STAB2: variants seen among roughly 807,000 people sequenced by gnomAD.
The protein encoded by STAB2 is stabilin-2.
STAB2 carries 288 observed loss-of-function variants against 338.1 expected under a neutral mutation model. That is an observed-to-expected ratio of 0.85 (90% CI 0.77 to 0.94). The LOEUF is 0.94. Ranked by LOEUF, STAB2 falls within the 40% of genes least tolerant of loss-of-function variation. The pLI, the probability that STAB2 is intolerant of heterozygous loss-of-function variation, is 0.00. For missense variants in STAB2, 3,141 were observed against 3,210.1 expected (o/e 0.98, Z 0.52); for synonymous variants, 1,202 against 1,193.3 (o/e 1.01, Z -0.15).
chr12:103,705,851 C>T, intron 37 of STAB2, 124 bp downstream of exon 37: 1 of 856,884 alleles, frequency 1.2e-6, no homozygotes, highest in Non-Finnish European at 1.9e-6. Flanking sequence ...TTGTTACCTG[C>T]ATTATCATTG....
chr12:103,660,571 TC>T, intron 16 of STAB2, 111 bp from the exon 17 acceptor site: 1 of 1,345,590 alleles, frequency 7.4e-7, no homozygotes, highest in Non-Finnish European at 1.1e-6. Context: ...AGATCAAAAC[TC>T]CCTTTACTTA....
chr12:103,762,387 C>T lies in STAB2; in HGVS notation c.7473C>T (p.Gly2491=), dbSNP rs1884602223. 1 of 1,614,118 alleles carries T rather than the reference C, an allele frequency of 6.2e-7. No homozygotes were observed. Among genetic ancestry groups the T allele is most frequent in the Non-Finnish European group, 8.5e-7 (1 of 1,180,054 alleles). The part of the protein sequence containing the change: ...SYFRINRRTI[G]FQHFESEEDI... ...TTCGGATAAACCGGAGAACAATCGGCTTCCAGCATTTTGAGGTAAGAGAGA... is the reference window on the plus strand; with the variant it reads ...TTCGGATAAACCGGAGAACAATCGGTTTCCAGCATTTTGAGGTAAGAGAGA... The change falls in exon 67 of 69, where the codon GGC becomes GGT. Residue 2491 remains glycine, a synonymous_variant. Coordinates refer to ENST00000388887, the MANE Select transcript of STAB2 (RefSeq NM_017564.10).
Position 103,654,647 on chromosome 12 carries a change from C to A in STAB2, c.1500C>A (p.Ile500=), listed in dbSNP as rs138837176. ...TTGCTTCCAATGGGCTTCTGCACAT[C>A]CTTGACAGAGCCATGGACAAGTTAG... The part of the protein sequence containing the change: ...DIIASNGLLH[I]LDRAMDKLEP... Residue 500 remains isoleucine (I), a synonymous_variant, in exon 13 of 69, where the codon ATC becomes ATA. Transcript: ENST00000388887. 6.2e-7 allele frequency: 1 copy of A among 1,614,160 alleles called. No homozygotes were observed. The highest frequency in any genetic ancestry group is 1.1e-5 in the South Asian group (1 of 91,070).
intron 31 of STAB2, among the ~76,000 whole-genome samples, chr12:103,694,288 CAT>C (rs1217022795): frequency 6.6e-6 from 1 of 152,156 alleles, no homozygotes; most frequent in Admixed American, 6.5e-5. Context: ...TGTTATGTGA[CAT>C]AGACATAGAA....
intron 42 of STAB2, among the ~76,000 whole-genome samples, chr12:103,714,818 C>T (rs185698408): frequency 3.0e-4 from 45 of 152,100 alleles, no homozygotes; most frequent in African/African-American, 9.9e-4. Context: ...TGTATATTTC[C>T]TAAGAATAAG....
chr12:103,757,394 G>C (rs1474651172), intron 63 of STAB2, among the ~76,000 whole-genome samples: 3 of 152,216 alleles, frequency 2.0e-5, no homozygotes, highest in Admixed American at 6.5e-5. Flanking sequence ...AGCCTGATCA[G>C]TGAATATTTA....
intron 18 of STAB2, among the ~76,000 whole-genome samples, chr12:103,665,129 T>C (rs572513169): frequency 6.6e-6 from 1 of 152,350 alleles, no homozygotes; most frequent in South Asian, 2.1e-4. Flanking sequence ...TCTCTAGGTT[T>C]AAAGTCAAAT....
chr12:103,702,294 A>AT (rs34124272), intron 34 of STAB2, among the ~76,000 whole-genome samples: 59,731 of 143,510 alleles, frequency 0.42, 12,677 homozygotes, highest in Non-Finnish European at 0.46. Context: ...ATTATCAGTT[A>AT]TTTTTTTTTT....
intron 51 of STAB2, among the ~76,000 whole-genome samples, chr12:103,735,103 G>A (rs190463436): frequency 6.6e-6 from 1 of 152,234 alleles, no homozygotes; most frequent in East Asian, 1.9e-4. Context: ...GGAACTGGGG[G>A]TCAGGACTTC....
At chr12:103,662,744 G>T in intron 17 of STAB2, 102 bp from the exon 18 acceptor site, 1 of 1,397,146 alleles carries the variant, frequency 7.2e-7, no homozygotes, top group Non-Finnish European at 9.7e-7. Flanking sequence ...TGATGTTGAG[G>T]ACTTTTTAGC....
intron 44 of STAB2, among the ~76,000 whole-genome samples, chr12:103,724,625 A>G (rs185299761): frequency 4.3e-4 from 65 of 152,270 alleles, no homozygotes; most frequent in African/African-American, 1.4e-3. Flanking sequence ...ACCTTTTCCT[A>G]TGATCAGAGT....
chr12:103,591,434 G>T (rs139881207), intron 2 of STAB2, among the ~76,000 whole-genome samples: 2 of 152,158 alleles, frequency 1.3e-5, no homozygotes, highest in African/African-American at 2.4e-5. Context: ...GCAGTGAGCC[G>T]AGATCAAGCC....
rs113513677 is a variant in STAB2, at chr12:103,674,393, G to A, written c.2552+306G>A. On this transcript the variant is annotated intron_variant, in intron 23 of 68. Coordinates refer to ENST00000388887, the MANE Select transcript of STAB2 (RefSeq NM_017564.10). The stretch of plus-strand genomic sequence containing the variant: ...ATGATGATACCTACCAAGCAGGGCA[G>A]TTGTGGAGATTAGCAGAACTCAATG... 6.8e-3 allele frequency among the ~76,000 whole-genome samples: 1,032 copies of A among 152,298 alleles called. 8 individuals carry two copies. Among genetic ancestry groups the A allele is most frequent in the African/African-American group, 0.023 (974 of 41,568 alleles).
intron 64 of STAB2, 101 bp from the exon 65 acceptor site, chr12:103,759,032 C>T (rs1431909206): frequency 2.5e-6 from 4 of 1,592,326 alleles, no homozygotes; most frequent in Non-Finnish European, 3.4e-6. Context: ...GCAGGAAAGC[C>T]TAGGCCATGA....
chr12:103,591,116 T>C, intron 2 of STAB2, 86 bp downstream of exon 2: 1 of 1,576,034 alleles, frequency 6.3e-7, no homozygotes, highest in Non-Finnish European at 8.6e-7. Flanking sequence ...TTCCATGACT[T>C]TTCTCTTGCT....
chr12:103,605,843 T>C (rs986717744), intron 3 of STAB2, among the ~76,000 whole-genome samples: 5 of 152,052 alleles, frequency 3.3e-5, no homozygotes, highest in African/African-American at 1.2e-4. Context: ...TTTAACATAA[T>C]TGTATATTTA....
intron 9 of STAB2, 139 bp downstream of exon 9, chr12:103,640,395 G>T (rs536035012): frequency 7.5e-6 from 8 of 1,064,380 alleles, no homozygotes; most frequent in East Asian, 4.9e-5. Flanking sequence ...TAGGAGCAAG[G>T]ATTGTAGTAG....
intron 5 of STAB2, 66 bp from the exon 6 acceptor site, chr12:103,631,532 A>G: frequency 1.4e-6 from 2 of 1,471,904 alleles, no homozygotes; most frequent in Non-Finnish European, 1.9e-6. Flanking sequence ...TAAAAACACT[A>G]GCTTTCCAGA....
At chr12:103,692,770 C>T in intron 30 of STAB2, 42 bp from the exon 31 acceptor site, 1 of 1,533,130 alleles carries the variant, frequency 6.5e-7, no homozygotes, top group East Asian at 2.3e-5. Context: ...CCAAGGTGCG[C>T]TCTATAAAGA....
Sources: gnomAD v4.1 joint callset for allele counts (sites outside exome capture counted in the v4.1 genomes callset) on GRCh38, gnomAD v4.1.1 for gene constraint, MANE v1.5 for transcripts, NCBI Gene and HGNC (gene_info 2026-07-23, HGNC 2026-07-21) for gene names.